Variants in EYS observed in about 807,000 individuals in gnomAD.
EYS encodes protein eyes shut homolog.
EYS carries 250 observed loss-of-function variants against 282.1 expected under a neutral mutation model. The observed-to-expected ratio is 0.89, with a 90% CI of 0.80 to 0.98. The LOEUF is 0.98. Among genes scored for constraint, EYS ranks in the 50% least tolerant of loss-of-function variants. The pLI is 0.00. For synonymous variants in EYS, 1,355 were observed against 1,282.9 expected (o/e 1.06, Z -1.20); for missense variants, 4,016 against 3,709.0 (o/e 1.08, Z -2.15).
rs1331225075 is a variant in EYS, at chr6:63,908,738, G to A, written c.7056-44380C>T. The stretch of plus-strand genomic sequence containing the variant: ...AGTGCTGGGATTACAGATGTTAGCC[G>A]CTGCACCTAGCTAGAAAAGACATTC... On this transcript the variant is annotated intron_variant, in intron 35 of 42. Coordinates refer to ENST00000503581, the MANE Select transcript of EYS (RefSeq NM_001142800.2). Among the ~76,000 whole-genome samples the A allele has an allele frequency of 6.6e-5, 10 of 152,162 alleles. No individual in the cohort carries two copies. The East Asian group carries it at 7.7e-4, about 12-fold the overall frequency.
intron 2 of EYS, among the ~76,000 whole-genome samples, chr6:65,580,120 G>A (rs1764816810): frequency 6.6e-6 from 1 of 151,998 alleles, no homozygotes; most frequent in African/African-American, 2.4e-5. Context: ...GTTAGGTTTT[G>A]AAAAATGTCA....
At chr6:64,511,840 T>G (rs1777413999) in intron 26 of EYS, among the ~76,000 whole-genome samples, 1 of 151,958 alleles carries the variant, frequency 6.6e-6, no homozygotes, top group African/African-American at 2.4e-5. Flanking sequence ...TTAAAATGTG[T>G]CACTTCTCCT....
Position 63,762,429 on chromosome 6 carries a change from G to A in EYS, c.8071+32C>T, listed in dbSNP as rs965842803. On this transcript the variant is annotated intron_variant, in intron 41 of 42. Coordinates refer to ENST00000503581, the MANE Select transcript of EYS (RefSeq NM_001142800.2). ...AGTTCCTAATTTTAGTTATATTTGT[G>A]GACAGCAAAATGATTTGAAATTCTG... 7.1e-6 allele frequency: 11 copies of A among 1,540,690 alleles called. No individual in the cohort carries two copies. The East Asian group carries it at 1.5e-4, about 21-fold the overall frequency.
intron 8 of EYS, 107 bp from the exon 9 acceptor site, chr6:65,353,724 A>G (rs1156827089): frequency 1.2e-6 from 1 of 850,940 alleles, no homozygotes; most frequent in African/African-American, 1.7e-5. Context: ...GATTATAGAA[A>G]ACTTTATGGG....
chr6:65,464,414 T>C (rs190507641), intron 5 of EYS, among the ~76,000 whole-genome samples: 70 of 152,298 alleles, frequency 4.6e-4, no homozygotes, highest in African/African-American at 1.7e-3. Flanking sequence ...TAGTGCATGA[T>C]AAGATATCTC....
chr6:65,051,880 T>C (rs758944193), intron 13 of EYS, among the ~76,000 whole-genome samples: 2 of 151,360 alleles, frequency 1.3e-5, no homozygotes, highest in Non-Finnish European at 3.0e-5. Context: ...TAATAGGCAA[T>C]ATTAATATTA....
chr6:63,856,813 T>G (rs1772403641), intron 36 of EYS, among the ~76,000 whole-genome samples: 1 of 152,180 alleles, frequency 6.6e-6, no homozygotes, highest in African/African-American at 2.4e-5. Context: ...TTTTATAAAC[T>G]TATAATTTAT....
chr6:64,763,376 T>C (rs1473284100), intron 22 of EYS, among the ~76,000 whole-genome samples: 2 of 152,164 alleles, frequency 1.3e-5, no homozygotes, highest in East Asian at 3.9e-4. Context: ...CTTCTTCATA[T>C]GGTGGCTGGA....
At chr6:65,684,377 T>C (rs1388757410) in intron 1 of EYS, among the ~76,000 whole-genome samples, 1 of 152,020 alleles carries the variant, frequency 6.6e-6, no homozygotes, top group Non-Finnish European at 1.5e-5. Context: ...CTCTGTCAGA[T>C]GGTGGGAGGG....
At chr6:64,779,597 C>T (rs9360072) in intron 22 of EYS, among the ~76,000 whole-genome samples, 63,214 of 151,840 alleles carry the variant, frequency 0.42, 15,594 homozygotes, top group Admixed American at 0.59. Flanking sequence ...ACCTATTGAA[C>T]GTACAACACA....
chr6:64,596,682 A>T (rs1766597308), intron 24 of EYS, among the ~76,000 whole-genome samples: 1 of 152,208 alleles, frequency 6.6e-6, no homozygotes, highest in South Asian at 2.1e-4. Flanking sequence ...CTAGACTCGT[A>T]TCTCTCACCA....
At chr6:65,096,948 T>C (rs1202723024) in intron 12 of EYS, among the ~76,000 whole-genome samples, 1 of 150,892 alleles carries the variant, frequency 6.6e-6, no homozygotes, top group Non-Finnish European at 1.5e-5. Context: ...TCAACATTTC[T>C]TGGATATGAT....
At chr6:64,898,118 C>G (rs1274214934) in intron 18 of EYS, among the ~76,000 whole-genome samples, 1 of 152,058 alleles carries the variant, frequency 6.6e-6, no homozygotes, top group African/African-American at 2.4e-5. Flanking sequence ...CACAAAGATA[C>G]TCCTCGAGAA....
intron 29 of EYS, among the ~76,000 whole-genome samples, chr6:64,353,394 CCTGTGCAT>C (rs2150404540): frequency 6.6e-6 from 1 of 151,618 alleles, no homozygotes; most frequent in African/African-American, 2.4e-5. Flanking sequence ...TCCATCATTA[CCTGTGCAT>C]CTTCTAGATT....
intron 12 of EYS, among the ~76,000 whole-genome samples, chr6:65,201,449 C>G (rs1425932113): frequency 6.6e-6 from 1 of 152,046 alleles, no homozygotes; most frequent in Non-Finnish European, 1.5e-5. Flanking sequence ...TAATACTCTT[C>G]TTTATGTGCT....
chr6:64,646,000 T>C (rs1768337688), intron 22 of EYS, among the ~76,000 whole-genome samples: 1 of 152,168 alleles, frequency 6.6e-6, no homozygotes, highest in South Asian at 2.1e-4. Flanking sequence ...TATTAGACAG[T>C]TACAGTTAAC....
intron 11 of EYS, chr6:65,330,147 G>A (rs1291129997): frequency 1.7e-5 from 17 of 980,774 alleles, no homozygotes; most frequent in Non-Finnish European, 2.1e-5. Flanking sequence ...GAAGAACCAT[G>A]AGATGTGTTC....
intron 1 of EYS, among the ~76,000 whole-genome samples, chr6:65,706,637 G>A (rs563228947): frequency 4.6e-5 from 7 of 152,220 alleles, no homozygotes; most frequent in Admixed American, 1.3e-4. Context: ...AAAAAATGTT[G>A]ATCATTAACA....
At chr6:65,155,169 A>G (rs1256668767) in intron 12 of EYS, among the ~76,000 whole-genome samples, 1 of 151,480 alleles carries the variant, frequency 6.6e-6, no homozygotes, top group East Asian at 2.0e-4. Flanking sequence ...GGTGGTTTTT[A>G]TTTCAGGTAA....
Sources: gnomAD v4.1 joint callset for allele counts (sites outside exome capture counted in the v4.1 genomes callset) on GRCh38, gnomAD v4.1.1 for gene constraint, MANE v1.5 for transcripts, NCBI Gene and HGNC (gene_info 2026-07-23, HGNC 2026-07-21) for gene names.